PLA2G4A: variants seen among roughly 807,000 people sequenced by gnomAD.
The protein encoded by PLA2G4A is cytosolic phospholipase A2.
In PLA2G4A, 40 loss-of-function variants were observed where a neutral mutation model predicts 81.9. That is an observed-to-expected ratio of 0.49 (90% confidence interval 0.38 to 0.64). The LOEUF (loss-of-function observed/expected upper bound fraction) is 0.64. Ranked by LOEUF, PLA2G4A falls within the 30% of genes least tolerant of loss-of-function variation. The pLI is 0.00. For synonymous variants in PLA2G4A, 302 were observed against 296.9 expected, an observed-to-expected ratio of 1.02 and a Z score of -0.18; for missense variants, 715 against 905.1, an observed-to-expected ratio of 0.79 and a Z score of 2.69.
At chr1:186,919,060 CT>C (rs1427333305) in intron 7 of PLA2G4A, among the ~76,000 whole-genome samples, 1 of 152,206 alleles carries the variant, frequency 6.6e-6, no homozygotes, top group Non-Finnish European at 1.5e-5. Context: ...TTTTCTCTTT[CT>C]GACACATAGA....
At chr1:186,934,502 G>A (rs1655870637) in intron 8 of PLA2G4A, among the ~76,000 whole-genome samples, 1 of 110,994 alleles carries the variant, frequency 9.0e-6, no homozygotes, top group Admixed American at 9.0e-5. Flanking sequence ...TTTTAAATGT[G>A]CACATATATA....
chr1:186,924,147 G>T (rs916420045), intron 7 of PLA2G4A, among the ~76,000 whole-genome samples: 1 of 152,080 alleles, frequency 6.6e-6, no homozygotes, highest in Non-Finnish European at 1.5e-5. Context: ...TATTGTCAAC[G>T]TCTACCTCCG....
At chr1:186,889,357 T>G (rs1654052193) in intron 3 of PLA2G4A, among the ~76,000 whole-genome samples, 1 of 152,218 alleles carries the variant, frequency 6.6e-6, no homozygotes, top group African/African-American at 2.4e-5. Context: ...ACTACAGATA[T>G]GCAGACAATG....
At chr1:186,831,628 A>T (rs1651594382) in intron 1 of PLA2G4A, among the ~76,000 whole-genome samples, 1 of 152,160 alleles carries the variant, frequency 6.6e-6, no homozygotes, top group South Asian at 2.1e-4. Flanking sequence ...TTATAACACT[A>T]TTGTTTATTA....
intron 4 of PLA2G4A, 99 bp downstream of exon 4, chr1:186,893,258 A>G: frequency 1.0e-6 from 1 of 1,004,012 alleles, no homozygotes; most frequent in Non-Finnish European, 1.6e-6. Context: ...TGTTAGCTAT[A>G]GTTGGAGTTA....
At chr1:186,888,507 C>T (rs1654019490) in intron 3 of PLA2G4A, among the ~76,000 whole-genome samples, 1 of 152,198 alleles carries the variant, frequency 6.6e-6, no homozygotes, top group South Asian at 2.1e-4. Flanking sequence ...GCAATTTCCC[C>T]ACCTACGATT....
intron 5 of PLA2G4A, among the ~76,000 whole-genome samples, chr1:186,897,197 C>T (rs1654362525): frequency 6.6e-6 from 1 of 152,150 alleles, no homozygotes; most frequent in East Asian, 1.9e-4. Flanking sequence ...ACTGAGTCAA[C>T]ATAGAGTGAT....
intron 15 of PLA2G4A, among the ~76,000 whole-genome samples, chr1:186,968,572 A>G (rs181890666): frequency 3.2e-4 from 49 of 151,778 alleles, no homozygotes; most frequent in African/African-American, 8.7e-4. Flanking sequence ...TAAAAGATAT[A>G]TAAGATGTTT....
At chr1:186,925,620 A>C (rs1383259209) in intron 7 of PLA2G4A, among the ~76,000 whole-genome samples, 1 of 151,940 alleles carries the variant, frequency 6.6e-6, no homozygotes, top group Non-Finnish European at 1.5e-5. Context: ...CCCCCTTTTT[A>C]ACTAACACTC....
chr1:186,894,579 G>GAA (rs1654269459), intron 5 of PLA2G4A, among the ~76,000 whole-genome samples: 1 of 151,998 alleles, frequency 6.6e-6, no homozygotes, highest in Non-Finnish European at 1.5e-5. Flanking sequence ...GAGAGAGAGA[G>GAA]AACAAGTAAA....
rs186492395 is a variant in PLA2G4A, at chr1:186,861,245, G to A, written c.33+6858G>A. On this transcript the variant is annotated intron_variant, in intron 2 of 17. Coordinates refer to ENST00000367466, the MANE Select transcript of PLA2G4A (RefSeq NM_024420.3). ...TGTTCATGCTTAGTCCTATGTCACA[G>A]TCTATGGAGATTTTACTTTGAAACA... Among the ~76,000 whole-genome samples the A allele has an allele frequency of 3.6e-4, 55 of 152,296 alleles. 2 individuals are homozygous for A. The East Asian group carries it at 9.3e-3, about 26-fold the overall frequency.
intron 7 of PLA2G4A, among the ~76,000 whole-genome samples, chr1:186,931,517 C>CTAT (rs3060324): frequency 0.061 from 8,805 of 144,876 alleles, 381 homozygotes; most frequent in African/African-American, 0.11. Flanking sequence ...AAAATGTTTG[C>CTAT]TATTATTATT....
chr1:186,882,492 A>G (rs1052575547), intron 3 of PLA2G4A, among the ~76,000 whole-genome samples: 1 of 152,108 alleles, frequency 6.6e-6, no homozygotes, highest in African/African-American at 2.4e-5. Flanking sequence ...TGCCATCAAT[A>G]TGCCTGTGTG....
intron 1 of PLA2G4A, among the ~76,000 whole-genome samples, chr1:186,833,370 G>T (rs1651666236): frequency 6.6e-6 from 1 of 152,136 alleles, no homozygotes; most frequent in African/African-American, 2.4e-5. Context: ...CTCATGCCTG[G>T]GTGATAGAGC....
intron 12 of PLA2G4A, 78 bp from the exon 13 acceptor site, chr1:186,950,579 A>G: frequency 1.3e-6 from 1 of 771,154 alleles, no homozygotes; most frequent in Admixed American, 1.8e-5. Flanking sequence ...GGTTTTGCTC[A>G]GATTACTTTT....
At chr1:186,846,414 C>T (rs1652176383) in intron 1 of PLA2G4A, among the ~76,000 whole-genome samples, 1 of 152,078 alleles carries the variant, frequency 6.6e-6, no homozygotes, top group Admixed American at 6.6e-5. Context: ...TAGATCTGTT[C>T]ATATGTATTA....
intron 3 of PLA2G4A, among the ~76,000 whole-genome samples, chr1:186,892,143 G>A (rs1214735567): frequency 6.6e-6 from 1 of 152,078 alleles, no homozygotes; most frequent in East Asian, 1.9e-4. Context: ...TACATTATTA[G>A]ATGTTTTTCT....
chr1:186,870,637 C>A (rs575446111), intron 3 of PLA2G4A, 121 bp downstream of exon 3: 1 of 1,223,088 alleles, frequency 8.2e-7, no homozygotes, highest in East Asian at 2.5e-5. Flanking sequence ...TTGTCTAGAT[C>A]TTTGAATGAT....
At chr1:186,840,364 G>T (rs189798454) in intron 1 of PLA2G4A, among the ~76,000 whole-genome samples, 1 of 152,124 alleles carries the variant, frequency 6.6e-6, no homozygotes, top group Non-Finnish European at 1.5e-5. Context: ...AAAGTGAATT[G>T]CCATCACAGT....
Sources: gnomAD v4.1 joint callset for allele counts (sites outside exome capture counted in the v4.1 genomes callset) on GRCh38, gnomAD v4.1.1 for gene constraint, MANE v1.5 for transcripts, NCBI Gene and HGNC (gene_info 2026-07-23, HGNC 2026-07-21) for gene names.